Variants in PSMA1 observed in about 807,000 individuals in gnomAD.
The protein encoded by PSMA1 is proteasome subunit alpha type-1.
Under a neutral mutation model 38.4 loss-of-function variants are expected in PSMA1, and 3 were observed. The observed-to-expected ratio is 0.08, with a 90% confidence interval of 0.04 to 0.20. The LOEUF is 0.20. Among genes scored for constraint, PSMA1 ranks in the 10% least tolerant of loss-of-function variants. The probability of loss-of-function intolerance (pLI) is 1.00; values close to 1 mark genes in which losing one functional copy is unlikely to be tolerated. For missense variants in PSMA1, 227 were observed against 325.3 expected, an observed-to-expected ratio of 0.70 and a Z score of 2.32; for synonymous variants, 101 against 107.1, an observed-to-expected ratio of 0.94 and a Z score of 0.35.
chr11:14,609,372 T>G (rs1172527164), intron 2 of PSMA1, among the ~76,000 whole-genome samples: 3 of 152,200 alleles, frequency 2.0e-5, no homozygotes, highest in African/African-American at 7.2e-5. Flanking sequence ...TCAGGAGATA[T>G]TCTAGCAGCT....
chr11:14,545,794 G>T (rs935587023), intron 2 of PSMA1, among the ~76,000 whole-genome samples: 1 of 152,184 alleles, frequency 6.6e-6, no homozygotes, highest in Non-Finnish European at 1.5e-5. Context: ...TTCCACTGGT[G>T]AAAGTCATAA....
At chr11:14,603,942 G>T (rs1278604638) in intron 2 of PSMA1, among the ~76,000 whole-genome samples, 3 of 152,158 alleles carry the variant, frequency 2.0e-5, no homozygotes, top group African/African-American at 7.2e-5. Flanking sequence ...AGAGAAAAAA[G>T]ACTGATGCTT....
At chr11:14,570,069 G>A (rs528790310) in intron 2 of PSMA1, among the ~76,000 whole-genome samples, 24 of 152,306 alleles carry the variant, frequency 1.6e-4, no homozygotes, top group South Asian at 1.0e-3. Context: ...CTGTTCTGCC[G>A]CCTCCACTGG....
chr11:14,601,120 T>C (rs1852575559), intron 2 of PSMA1, among the ~76,000 whole-genome samples: 1 of 152,214 alleles, frequency 6.6e-6, no homozygotes, highest in African/African-American at 2.4e-5. Context: ...TGACTGCCAG[T>C]TGGCTATTTC....
chr11:14,522,589 A>C (rs1056707346), upstream of PSMA1, among the ~76,000 whole-genome samples: 5 of 152,274 alleles, frequency 3.3e-5, no homozygotes, highest in African/African-American at 1.2e-4. Flanking sequence ...CTGTTTCTTT[A>C]ATTTTTAATT....
At chr11:14,584,679 T>C (rs898226935) in intron 2 of PSMA1, among the ~76,000 whole-genome samples, 8 of 152,176 alleles carry the variant, frequency 5.3e-5, no homozygotes, top group African/African-American at 1.7e-4. Flanking sequence ...CTTCCTGATA[T>C]GTTCTTGCAT....
intron 2 of PSMA1, among the ~76,000 whole-genome samples, chr11:14,556,868 C>CTCTGTT (rs1851945376): frequency 6.6e-6 from 1 of 152,188 alleles, no homozygotes; most frequent in Admixed American, 6.5e-5. Context: ...GGGGGACTTG[C>CTCTGTT]TCTGTTGCCC....
intron 2 of PSMA1, among the ~76,000 whole-genome samples, chr11:14,526,940 C>T (rs1384925305): frequency 6.6e-6 from 1 of 152,214 alleles, no homozygotes; most frequent in Non-Finnish European, 1.5e-5. Flanking sequence ...GCAAGCCTAA[C>T]TCATTGCCTT....
intron 2 of PSMA1, among the ~76,000 whole-genome samples, chr11:14,599,188 A>G (rs984435219): frequency 6.6e-6 from 1 of 152,036 alleles, no homozygotes; most frequent in African/African-American, 2.4e-5. Flanking sequence ...CTTCATTTCA[A>G]CTTTGGTGAA....
At chr11:14,518,616 C>T (rs2134150686) in intron 2 of PSMA1, among the ~76,000 whole-genome samples, 1 of 152,288 alleles carries the variant, frequency 6.6e-6, no homozygotes, top group East Asian at 1.9e-4. Context: ...CTGTAGTCTT[C>T]ATGTTGTACA....
chr11:14,617,379 C>T (rs1565059308), intron 1 of PSMA1, among the ~76,000 whole-genome samples: 1 of 152,056 alleles, frequency 6.6e-6, no homozygotes, highest in Non-Finnish European at 1.5e-5. Context: ...ATTTGCTTGT[C>T]TGTTTCTACT....
chr11:14,513,408 T>C, intron 7 of PSMA1, 162 bp downstream of exon 7: 2 of 748,606 alleles, frequency 2.7e-6, no homozygotes, highest in Non-Finnish European at 3.7e-6. Context: ...TTAAGATTAG[T>C]ATATGTGACA....
chr11:14,521,497 A>G (rs1482229044), upstream of PSMA1, among the ~76,000 whole-genome samples: 1 of 151,328 alleles, frequency 6.6e-6, no homozygotes, highest in African/African-American at 2.4e-5. Context: ...GTTTCAAAAA[A>G]AAAAAAAGCC....
intron 2 of PSMA1, among the ~76,000 whole-genome samples, chr11:14,558,122 T>C (rs1318296246): frequency 6.6e-6 from 1 of 151,782 alleles, no homozygotes; most frequent in Non-Finnish European, 1.5e-5. Context: ...ATATTAAAAG[T>C]CACAATCTAC....
chr11:14,570,649 A>G (rs575459893), intron 2 of PSMA1, among the ~76,000 whole-genome samples: 7 of 152,364 alleles, frequency 4.6e-5, no homozygotes, highest in African/African-American at 1.4e-4. Flanking sequence ...AGACAAGTTT[A>G]TAGAAAAAAG....
intron 2 of PSMA1, among the ~76,000 whole-genome samples, chr11:14,609,767 A>T (rs960114722): frequency 1.3e-5 from 2 of 152,088 alleles, no homozygotes; most frequent in Non-Finnish European, 2.9e-5. Flanking sequence ...GATCAGGGGG[A>T]TACAGAGGGC....
chr11:14,538,061 T>A (rs1038488459), intron 2 of PSMA1, among the ~76,000 whole-genome samples: 33 of 152,138 alleles, frequency 2.2e-4, no homozygotes, highest in Non-Finnish European at 8.8e-5. Flanking sequence ...TAATTATTCA[T>A]AAAAGTAACT....
At chr11:14,584,728 A>T (rs929751645) in intron 2 of PSMA1, among the ~76,000 whole-genome samples, 1 of 152,062 alleles carries the variant, frequency 6.6e-6, no homozygotes, top group African/African-American at 2.4e-5. Flanking sequence ...TCCTGCTTTT[A>T]GTCCCGCAGT....
intron 2 of PSMA1, among the ~76,000 whole-genome samples, chr11:14,586,647 T>C (rs1216318216): frequency 6.6e-6 from 1 of 152,244 alleles, no homozygotes; most frequent in Non-Finnish European, 1.5e-5. Flanking sequence ...AATACCTACC[T>C]ACCCTCTTCT....
Sources: allele counts gnomAD v4.1 joint callset (sites outside exome capture counted in the v4.1 genomes callset), GRCh38; gene constraint gnomAD v4.1.1; transcripts MANE v1.5; gene names NCBI Gene and HGNC (gene_info 2026-07-23, HGNC 2026-07-21).